The following UBE2H variants were observed in gnomAD, a reference collection of about 807,000 sequenced individuals.
UBE2H encodes the protein ubiquitin-conjugating enzyme E2 H.
In UBE2H, 3 loss-of-function variants were observed where a neutral mutation model predicts 29.0. The ratio of observed to expected loss-of-function variants is 0.10; its 90% CI spans 0.05 to 0.27. The LOEUF (loss-of-function observed/expected upper bound fraction) is 0.27. Among genes scored for constraint, UBE2H ranks in the 10% least tolerant of loss-of-function variants. UBE2H has a pLI of 1.00. For missense variants in UBE2H, 68 were observed against 228.2 expected, an observed-to-expected ratio of 0.30 and a Z score of 4.52; for synonymous variants, 69 against 82.9, an observed-to-expected ratio of 0.83 and a Z score of 0.91.
chr7:129,936,316 C>T (rs1455116635), intron 1 of UBE2H, among the ~76,000 whole-genome samples: 1 of 152,162 alleles, frequency 6.6e-6, no homozygotes, highest in Non-Finnish European at 1.5e-5. Context: ...ATTTCTAAGC[C>T]GGGCACGGTG....
chr7:129,932,889 C>T (rs1211221486), intron 1 of UBE2H, among the ~76,000 whole-genome samples: 1 of 151,738 alleles, frequency 6.6e-6, no homozygotes, highest in African/African-American at 2.4e-5. Flanking sequence ...AAGTTCTGAC[C>T]TCACATTCCC....
chr7:129,845,417 C>T (rs1805495636), intron 5 of UBE2H, among the ~76,000 whole-genome samples: 1 of 152,174 alleles, frequency 6.6e-6, no homozygotes, highest in Non-Finnish European at 1.5e-5. Context: ...GCCATTTGCT[C>T]GTAGGTTCTT....
chr7:129,884,079 G>A (rs1200042104), intron 1 of UBE2H, among the ~76,000 whole-genome samples: 2 of 152,148 alleles, frequency 1.3e-5, no homozygotes, highest in Non-Finnish European at 2.9e-5. Flanking sequence ...CTGGGTGACA[G>A]AGTGTGACTC....
chr7:129,920,990 C>T (rs981522235), intron 1 of UBE2H, among the ~76,000 whole-genome samples: 5 of 79,654 alleles, frequency 6.3e-5, no homozygotes, highest in Non-Finnish European at 1.3e-4. Context: ...TATCAAGACT[C>T]TCTGCCTCTA....
At chr7:129,940,958 G>T (rs1447378351) in intron 1 of UBE2H, among the ~76,000 whole-genome samples, 3 of 152,050 alleles carry the variant, frequency 2.0e-5, no homozygotes, top group African/African-American at 4.8e-5. Flanking sequence ...TAACAAACTG[G>T]AATCTTTTTT....
intron 4 of UBE2H, 116 bp from the exon 5 acceptor site, chr7:129,857,679 G>T: frequency 8.9e-7 from 1 of 1,123,268 alleles, no homozygotes. Flanking sequence ...GTGAAAAAAA[G>T]AATCCCAATT....
intron 1 of UBE2H, among the ~76,000 whole-genome samples, chr7:129,931,722 A>G (rs982554946): frequency 6.6e-6 from 1 of 152,180 alleles, no homozygotes; most frequent in African/African-American, 2.4e-5. Context: ...TTTTGTTGAT[A>G]TAATGCCAAA....
At chr7:129,857,292 T>C (rs539776066) in intron 5 of UBE2H, 1 of 562,638 alleles carries the variant, frequency 1.8e-6, no homozygotes, top group South Asian at 2.5e-5. Context: ...TACCTTAAGT[T>C]TGGAATCTCA....
At chr7:129,838,115 CAT>C (rs1252830879) in intron 6 of UBE2H, among the ~76,000 whole-genome samples, 2 of 152,182 alleles carry the variant, frequency 1.3e-5, no homozygotes, top group Non-Finnish European at 2.9e-5. Context: ...TCTTCAAATA[CAT>C]GTTTGCTTAG....
chr7:129,888,760 C>T (rs1806415545), intron 1 of UBE2H, among the ~76,000 whole-genome samples: 1 of 152,180 alleles, frequency 6.6e-6, no homozygotes, highest in East Asian at 1.9e-4. Context: ...TAGGCATGAG[C>T]CACCACGCCC....
chr7:129,908,983 A>G (rs568102998), intron 1 of UBE2H, among the ~76,000 whole-genome samples: 1 of 152,346 alleles, frequency 6.6e-6, no homozygotes, highest in East Asian at 1.9e-4. Flanking sequence ...CTTCCTACAC[A>G]CAAAAGCCAA....
At chr7:129,902,538 G>A (rs892936835) in intron 1 of UBE2H, among the ~76,000 whole-genome samples, 2 of 152,176 alleles carry the variant, frequency 1.3e-5, no homozygotes, top group Non-Finnish European at 2.9e-5. Flanking sequence ...GAGAATAAGG[G>A]AGGCTCCATG....
At chr7:129,836,402 A>G (rs1426811673) in intron 6 of UBE2H, among the ~76,000 whole-genome samples, 1 of 152,228 alleles carries the variant, frequency 6.6e-6, no homozygotes, top group Non-Finnish European at 1.5e-5. Flanking sequence ...AGGAGGAAAC[A>G]GAGGAAGATA....
chr7:129,885,062 T>TA (rs35043856), intron 1 of UBE2H, among the ~76,000 whole-genome samples: 31,649 of 143,388 alleles, frequency 0.22, 3,520 homozygotes, highest in Non-Finnish European at 0.26. Context: ...GAACTTCTCT[T>TA]AAAAAAAAAA....
At chr7:129,855,386 C>T (rs1805685620) in intron 5 of UBE2H, among the ~76,000 whole-genome samples, 1 of 152,202 alleles carries the variant, frequency 6.6e-6, no homozygotes, top group South Asian at 2.1e-4. Context: ...CACATCATTA[C>T]ATCAGATATT....
At chr7:129,900,454 T>C (rs1329007998) in intron 1 of UBE2H, among the ~76,000 whole-genome samples, 4 of 152,194 alleles carry the variant, frequency 2.6e-5, no homozygotes, top group Admixed American at 1.3e-4. Context: ...ATAACATTTG[T>C]ATATACTATT....
At chr7:129,892,104 C>T (rs1249797167) in intron 1 of UBE2H, among the ~76,000 whole-genome samples, 1 of 151,970 alleles carries the variant, frequency 6.6e-6, no homozygotes, top group African/African-American at 2.4e-5. Flanking sequence ...AGGCGCCCGC[C>T]ACCAGGCCAA....
intron 5 of UBE2H, among the ~76,000 whole-genome samples, chr7:129,850,823 A>AAGAG: frequency 6.8e-6 from 1 of 147,520 alleles, no homozygotes; most frequent in East Asian, 2.1e-4. Flanking sequence ...TCAAAAAAGA[A>AAGAG]AGAGAGAGAG....
At chr7:129,927,148 T>A (rs1332118744) in intron 1 of UBE2H, among the ~76,000 whole-genome samples, 2 of 152,218 alleles carry the variant, frequency 1.3e-5, no homozygotes, top group Non-Finnish European at 2.9e-5. Context: ...TAACTCCATG[T>A]AATGGTCCTA....
Sources: gnomAD v4.1 joint callset for allele counts (sites outside exome capture counted in the v4.1 genomes callset) on GRCh38, gnomAD v4.1.1 for gene constraint, MANE v1.5 for transcripts, NCBI Gene and HGNC (gene_info 2026-07-23, HGNC 2026-07-21) for gene names.